SLC8A1: variants seen among roughly 807,000 people sequenced by gnomAD.
The protein encoded by SLC8A1 is solute carrier family 8 member A1, also known as sodium/calcium exchanger 1.
A neutral mutation model predicts 68.3 loss-of-function variants in SLC8A1; 18 were observed. The observed-to-expected ratio is 0.26, with a 90% CI of 0.18 to 0.39. SLC8A1 has a LOEUF of 0.39. SLC8A1 is among the 10% of genes least tolerant of loss of function. SLC8A1 has a pLI of 1.00. For missense variants in SLC8A1, 985 were observed against 1,156.7 expected, an observed-to-expected ratio of 0.85 and a Z score of 2.15; for synonymous variants, 475 against 415.5, an observed-to-expected ratio of 1.14 and a Z score of -1.74.
At chr2:40,194,894 G>A (rs1264708661) in intron 2 of SLC8A1, among the ~76,000 whole-genome samples, 1 of 152,064 alleles carries the variant, frequency 6.6e-6, no homozygotes, top group Non-Finnish European at 1.5e-5. Context: ...AAAGATGGAA[G>A]GTCCATTCCG....
At chr2:40,201,029 A>C (rs983205657) in intron 2 of SLC8A1, among the ~76,000 whole-genome samples, 1 of 151,784 alleles carries the variant, frequency 6.6e-6, no homozygotes, top group Non-Finnish European at 1.5e-5. Context: ...CAAAATAAAA[A>C]AGACTCAAAG....
chr2:40,296,419 C>A (rs1350162126), intron 2 of SLC8A1, among the ~76,000 whole-genome samples: 1 of 152,060 alleles, frequency 6.6e-6, no homozygotes, highest in Non-Finnish European at 1.5e-5. Context: ...AGAAAAAAGT[C>A]AAAATTTGCC....
rs551103754 is a variant in SLC8A1, at chr2:40,200,529, A to T, written c.1809-22674T>A. On this transcript the variant is annotated intron_variant, in intron 2 of 7. Coordinates refer to ENST00000406785, the Ensembl canonical transcript of SLC8A1. ...GAATCCATATGGGCTCAGCACATGT[A>T]AACCATAATTTTGGAAGCTTAGTCC... is the stretch of plus-strand genomic sequence containing the variant. 5.1e-4 allele frequency among the ~76,000 whole-genome samples: 77 copies of T among 151,316 alleles called. 2 individuals carry two copies. In the South Asian group the frequency reaches 0.013, roughly 25 times the overall value.
intron 2 of SLC8A1, among the ~76,000 whole-genome samples, chr2:40,338,782 G>T (rs1244588928): frequency 6.6e-6 from 1 of 152,164 alleles, no homozygotes; most frequent in Admixed American, 6.5e-5. Flanking sequence ...AATAGATCCT[G>T]AAAGGTATCA....
At chr2:40,362,439 T>C (rs558381509) in intron 2 of SLC8A1, among the ~76,000 whole-genome samples, 18 of 152,174 alleles carry the variant, frequency 1.2e-4, no homozygotes, top group African/African-American at 3.9e-4. Flanking sequence ...AATTACCAAC[T>C]ACCAAAATAA....
At chr2:40,386,070 G>A (rs1373166325) in intron 2 of SLC8A1, among the ~76,000 whole-genome samples, 1 of 151,174 alleles carries the variant, frequency 6.6e-6, no homozygotes, top group African/African-American at 2.5e-5. Context: ...ATGCTACTAT[G>A]TGTTTTAAAA....
chr2:40,188,503 T>C (rs907149461), intron 2 of SLC8A1, among the ~76,000 whole-genome samples: 2 of 152,238 alleles, frequency 1.3e-5, no homozygotes, highest in Non-Finnish European at 2.9e-5. Context: ...TCAAAAGCTC[T>C]CTTCGTCCTG....
chr2:40,466,475 A>G (rs1037599344), intron 1 of SLC8A1, among the ~76,000 whole-genome samples: 7 of 152,306 alleles, frequency 4.6e-5, no homozygotes, highest in South Asian at 4.1e-4. Flanking sequence ...GCTGCCTGCC[A>G]TAAGTCTGAG....
intron 2 of SLC8A1, among the ~76,000 whole-genome samples, chr2:40,416,891 A>G (rs926596625): frequency 1.3e-5 from 2 of 152,022 alleles, no homozygotes; most frequent in Non-Finnish European, 2.9e-5. Context: ...GAAGCCTCCT[A>G]TCAGGAAGAA....
intron 2 of SLC8A1, among the ~76,000 whole-genome samples, chr2:40,383,617 G>C (rs1006243385): frequency 6.6e-6 from 1 of 151,962 alleles, no homozygotes; most frequent in African/African-American, 2.4e-5. Context: ...TTAAATCTTA[G>C]ATAAAAAAAT....
At chr2:40,367,722 T>C (rs1372734304) in intron 2 of SLC8A1, among the ~76,000 whole-genome samples, 1 of 152,012 alleles carries the variant, frequency 6.6e-6, no homozygotes, top group African/African-American at 2.4e-5. Flanking sequence ...AGCTGTGGCC[T>C]ATCCAGTACA....
At chr2:40,333,925 G>A (rs559284438) in intron 2 of SLC8A1, among the ~76,000 whole-genome samples, 2 of 152,106 alleles carry the variant, frequency 1.3e-5, no homozygotes, top group Non-Finnish European at 2.9e-5. Context: ...GTGCACACCT[G>A]TAATCTCAGC....
At chr2:40,261,629 C>T (rs564672475) in intron 2 of SLC8A1, among the ~76,000 whole-genome samples, 1 of 152,290 alleles carries the variant, frequency 6.6e-6, no homozygotes, top group Non-Finnish European at 1.5e-5. Flanking sequence ...GTCAGCCATT[C>T]AGTGGAGAAA....
Position 40,204,176 on chromosome 2 carries a change from C to T in SLC8A1, c.1809-26321G>A, listed in dbSNP as rs962486900. Among the ~76,000 whole-genome samples, 12 of 151,986 alleles carry T rather than the reference C, an allele frequency of 7.9e-5. 1 individual carries two copies. ...CAGGAGGTATGCTTAAATGTCTGTT[C>T]AGAAAACATCTTAAATTTGGGATAC... On this transcript the variant is annotated intron_variant, in intron 2 of 7. Transcript: ENST00000406785.
chr2:40,425,100 G>T (rs1696505400), intron 2 of SLC8A1, among the ~76,000 whole-genome samples: 1 of 151,716 alleles, frequency 6.6e-6, no homozygotes, highest in South Asian at 2.1e-4. Context: ...AGTTGGCATT[G>T]GTTTAGTATG....
intron 2 of SLC8A1, among the ~76,000 whole-genome samples, chr2:40,242,749 A>T (rs2061384243): frequency 6.6e-6 from 1 of 152,230 alleles, no homozygotes; most frequent in African/African-American, 2.4e-5. Flanking sequence ...ACAAGAAACC[A>T]AAGAGGAATA....
chr2:40,397,478 T>G (rs1320057727), intron 2 of SLC8A1, among the ~76,000 whole-genome samples: 2 of 152,168 alleles, frequency 1.3e-5, no homozygotes, highest in Non-Finnish European at 2.9e-5. Flanking sequence ...TTTTCACAGG[T>G]GGGTAATCAA....
chr2:40,189,484 A>G (rs1452047422), intron 2 of SLC8A1, among the ~76,000 whole-genome samples: 2 of 151,950 alleles, frequency 1.3e-5, no homozygotes, highest in African/African-American at 4.8e-5. Context: ...CCGCGCCCGA[A>G]TAATTTTTGT....
At chr2:40,470,220 T>C (rs1329056736) in intron 1 of SLC8A1, among the ~76,000 whole-genome samples, 2 of 152,126 alleles carry the variant, frequency 1.3e-5, no homozygotes. Context: ...GCTCTACACT[T>C]TGGGAAAACT....
Sources: gnomAD v4.1 joint callset for allele counts (sites outside exome capture counted in the v4.1 genomes callset) on GRCh38, gnomAD v4.1.1 for gene constraint, MANE v1.5 for transcripts, NCBI Gene and HGNC (gene_info 2026-07-23, HGNC 2026-07-21) for gene names.